Variants in EML1 observed in about 807,000 individuals in gnomAD.
EML1 encodes echinoderm microtubule-associated protein-like 1.
In EML1, 27 loss-of-function variants were observed where a neutral mutation model predicts 110.4. That is an observed-to-expected ratio of 0.24 (90% CI 0.18 to 0.34). The LOEUF is 0.34. EML1 is among the 10% of genes least tolerant of loss of function. The probability of loss-of-function intolerance (pLI) is 1.00; values close to 1 mark genes in which losing one functional copy is unlikely to be tolerated. For synonymous variants in EML1, 344 were observed against 385.8 expected, an observed-to-expected ratio of 0.89 and a Z score of 1.27; for missense variants, 741 against 1,030.9, an observed-to-expected ratio of 0.72 and a Z score of 3.85.
At chr14:99,839,556 T>C (rs1386448099) in intron 1 of EML1, among the ~76,000 whole-genome samples, 2 of 152,220 alleles carry the variant, frequency 1.3e-5, no homozygotes, top group Non-Finnish European at 2.9e-5. Flanking sequence ...TTGAGTATTT[T>C]TTCTCATCTC....
intron 4 of EML1, among the ~76,000 whole-genome samples, chr14:99,884,890 G>A (rs138486515): frequency 4.1e-4 from 62 of 152,294 alleles, no homozygotes; most frequent in Admixed American, 1.4e-3. Context: ...ATGAACTCCA[G>A]CTCATCCTTC....
chr14:99,925,412 A>C (rs2060216099), intron 17 of EML1, among the ~76,000 whole-genome samples: 1 of 151,754 alleles, frequency 6.6e-6, no homozygotes, highest in Non-Finnish European at 1.5e-5. Flanking sequence ...GGCAGGCACC[A>C]CCACACCCAG....
At chr14:99,886,894 A>G (rs895752182) in intron 4 of EML1, among the ~76,000 whole-genome samples, 2 of 152,232 alleles carry the variant, frequency 1.3e-5, no homozygotes, top group African/African-American at 4.8e-5. Context: ...TAGGAGCTTT[A>G]TCAGATGAGT....
chr14:99,754,340 C>T (rs747243852), intron 1 of EML1, among the ~76,000 whole-genome samples: 4 of 152,254 alleles, frequency 2.6e-5, no homozygotes, highest in African/African-American at 9.6e-5. Context: ...CCCAGCCTGG[C>T]ATGCCACCTC....
intron 2 of EML1, 38 bp from the exon 3 acceptor site, chr14:99,865,473 AAAG>A: frequency 6.2e-7 from 1 of 1,611,418 alleles, no homozygotes; most frequent in Non-Finnish European, 8.5e-7. Flanking sequence ...TTACCTTTGC[AAAG>A]GGGAACTTTC....
chr14:99,821,023 CTTTT>C (rs869159128), intron 1 of EML1, among the ~76,000 whole-genome samples: 4 of 133,846 alleles, frequency 3.0e-5, no homozygotes, highest in Admixed American at 1.5e-4. Context: ...CTTACATTTA[CTTTT>C]TTTTTTTTTT....
At chr14:99,830,792 C>T (rs977070878) in intron 1 of EML1, among the ~76,000 whole-genome samples, 4 of 152,044 alleles carry the variant, frequency 2.6e-5, no homozygotes, top group African/African-American at 7.2e-5. Context: ...CTCAGGTGAT[C>T]CGCCCGCCTC....
intron 13 of EML1, among the ~76,000 whole-genome samples, chr14:99,912,041 A>G (rs1023985032): frequency 6.6e-6 from 1 of 150,996 alleles, no homozygotes; most frequent in African/African-American, 2.4e-5. Flanking sequence ...GACTTTAGAC[A>G]CACACCACCA....
At chr14:99,865,399 C>T (rs2059078714) in intron 2 of EML1, 115 bp from the exon 3 acceptor site, 1 of 1,346,340 alleles carries the variant, frequency 7.4e-7, no homozygotes, top group African/African-American at 1.5e-5. Context: ...GCTCACTGCT[C>T]ACCTCCTCCT....
intron 17 of EML1, among the ~76,000 whole-genome samples, chr14:99,927,660 G>A (rs1362947909): frequency 6.6e-6 from 1 of 151,588 alleles, no homozygotes; most frequent in East Asian, 1.9e-4. Context: ...AGTTCATATA[G>A]GAAAGTCAGA....
chr14:99,739,801 A>G (rs1235030776), intron 1 of EML1, among the ~76,000 whole-genome samples: 3 of 152,170 alleles, frequency 2.0e-5, no homozygotes, highest in African/African-American at 7.2e-5. Flanking sequence ...CCTGCCCGGC[A>G]GCAACCAGTG....
intron 17 of EML1, among the ~76,000 whole-genome samples, chr14:99,923,562 T>G (rs1220744835): frequency 6.6e-6 from 1 of 152,266 alleles, no homozygotes; most frequent in African/African-American, 2.4e-5. Context: ...TCTTTCCCTG[T>G]TGAATTATCA....
At chr14:99,886,917 C>T (rs773726525) in intron 4 of EML1, among the ~76,000 whole-genome samples, 7 of 152,242 alleles carry the variant, frequency 4.6e-5, no homozygotes, top group Non-Finnish European at 7.3e-5. Flanking sequence ...AAACCAACCA[C>T]TCTTAGACCA....
At chr14:99,744,232 T>C (rs2057077617) in intron 1 of EML1, among the ~76,000 whole-genome samples, 1 of 152,146 alleles carries the variant, frequency 6.6e-6, no homozygotes, top group Admixed American at 6.5e-5. Flanking sequence ...TTCTACCTTA[T>C]AAAAAGACCA....
At chr14:99,839,618 C>A (rs918914269) in intron 1 of EML1, among the ~76,000 whole-genome samples, 1 of 152,198 alleles carries the variant, frequency 6.6e-6, no homozygotes, top group African/African-American at 2.4e-5. Flanking sequence ...TATACCATTT[C>A]TTTCCAGATT....
At chr14:99,744,391 C>T (rs920537296) in intron 1 of EML1, among the ~76,000 whole-genome samples, 5 of 152,150 alleles carry the variant, frequency 3.3e-5, no homozygotes, top group South Asian at 2.1e-4. Context: ...ATGCACCCAC[C>T]GGGAAGTAAC....
At position 99,939,640 on chromosome 14, in the gene EML1, T is replaced by C. The variant is rs2060545774; in HGVS notation, c.2322+313T>C. ...CCAGCCCTGAGCCCTGGGACGCCCT[T>C]CTTCATCCTCCGTGATCCTGACCCT... is the stretch of plus-strand genomic sequence containing the variant. On this transcript the variant is annotated intron_variant, in intron 21 of 21. Coordinates refer to ENST00000262233, the MANE Select transcript of EML1 (RefSeq NM_004434.3). This position sits in a 1 kb window ranked among gnomAD's most constrained non-coding sequence, Gnocchi z 4.2. 6.6e-6 allele frequency among the ~76,000 whole-genome samples: 1 copy of C among 152,110 alleles called. No individual in the cohort carries two copies. Among genetic ancestry groups the C allele is most frequent in the Admixed American group, 6.5e-5 (1 of 15,278 alleles).
At chr14:99,741,377 C>T (rs538948575) in intron 1 of EML1, among the ~76,000 whole-genome samples, 5 of 152,180 alleles carry the variant, frequency 3.3e-5, no homozygotes, top group South Asian at 2.1e-4. Flanking sequence ...GTTGTTCCCC[C>T]GTCTTTATCA....
chr14:99,839,518 C>G (rs1323998181), intron 1 of EML1, among the ~76,000 whole-genome samples: 1 of 152,198 alleles, frequency 6.6e-6, no homozygotes, highest in African/African-American at 2.4e-5. Context: ...AAGGTAAACA[C>G]AGTCACATGT....
Sources: allele counts gnomAD v4.1 joint callset (sites outside exome capture counted in the v4.1 genomes callset), GRCh38; gene constraint gnomAD v4.1.1; non-coding constraint Gnocchi (gnomAD v3.1); transcripts MANE v1.5; gene names NCBI Gene and HGNC (gene_info 2026-07-23, HGNC 2026-07-21).